Variants in ICA1L observed in about 807,000 individuals in gnomAD.
ICA1L encodes the protein islet cell autoantigen 1 like, also known as islet cell autoantigen 1-like protein.
A neutral mutation model predicts 61.3 loss-of-function variants in ICA1L; 50 were observed. The ratio of observed to expected loss-of-function variants is 0.82; its 90% CI spans 0.65 to 1.03. The LOEUF (loss-of-function observed/expected upper bound fraction) is 1.03, where lower values mean the gene tolerates loss of function less well. Among genes scored for constraint, ICA1L ranks in the 50% least tolerant of loss-of-function variants. The pLI is 0.00. For synonymous variants in ICA1L, 161 were observed against 191.3 expected (o/e 0.84, Z 1.31); for missense variants, 508 against 556.7 (o/e 0.91, Z 0.88).
intron 1 of ICA1L, chr2:202,841,254 T>C (rs1574371203): frequency 6.8e-6 from 5 of 730,306 alleles, no homozygotes; most frequent in African/African-American, 1.7e-5. Flanking sequence ...ATATTTGTTC[T>C]TGAAGTCTTC....
chr2:202,822,836 G>A (rs1693735828), intron 3 of ICA1L, among the ~76,000 whole-genome samples: 1 of 152,140 alleles, frequency 6.6e-6, no homozygotes, highest in Non-Finnish European at 1.5e-5. Flanking sequence ...CCCAAGGAGA[G>A]CACAATGGTG....
intron 9 of ICA1L, among the ~76,000 whole-genome samples, chr2:202,808,734 A>G (rs1367296100): frequency 2.0e-5 from 3 of 152,194 alleles, no homozygotes; most frequent in Non-Finnish European, 2.9e-5. Context: ...TGCCTGGGTA[A>G]TACAGGGAAT....
intron 1 of ICA1L, among the ~76,000 whole-genome samples, chr2:202,856,075 GAA>G (rs35022962): frequency 1.6e-5 from 2 of 127,484 alleles, no homozygotes; most frequent in African/African-American, 3.0e-5. Context: ...TCCGTCTCAA[GAA>G]AAAAAAAAAA....
chr2:202,825,396 G>T, intron 3 of ICA1L: 1 of 367,398 alleles, frequency 2.7e-6, no homozygotes, highest in Non-Finnish European at 4.2e-6. Context: ...CTTGAGCCCA[G>T]GTGGTGGAGA....
Position 202,779,272 on chromosome 2 carries a change from G to A in ICA1L, c.*261C>T, listed in dbSNP as rs773352950. On this transcript the variant is annotated 3_prime_UTR_variant, in exon 13 of 13. Coordinates refer to ENST00000358299, the MANE Select transcript of ICA1L (RefSeq NM_001288622.3). ...ACATAAATTTCAGTATCTAAATATC[G>A]CAAACTCTGTAGTTTCTAATATTTT... 2.6e-5 allele frequency: 9 copies of A among 343,904 alleles called. No homozygotes were observed. Among genetic ancestry groups the A allele is most frequent in the Non-Finnish European group, 4.2e-5 (8 of 192,318 alleles). The allele number at this position is 343,904 out of a possible 1,614,324, so 21.3% of individuals were successfully genotyped here. A position where few individuals can be genotyped will look rare whatever the true frequency, so the allele number is the denominator to read the frequency against.
intron 1 of ICA1L, among the ~76,000 whole-genome samples, chr2:202,868,845 G>A (rs1396330311): frequency 6.6e-6 from 1 of 151,986 alleles, no homozygotes; most frequent in African/African-American, 2.4e-5. Flanking sequence ...GCATGTGCTT[G>A]TAGTCCCAGC....
rs142283999 is a variant in ICA1L, at chr2:202,838,815, C to G, written c.-7-9799G>C. 4.6e-5 allele frequency among the ~76,000 whole-genome samples: 7 copies of G among 152,304 alleles called. No homozygotes were observed. The East Asian group carries it at 1.3e-3, about 29-fold the overall frequency. On this transcript the variant is annotated intron_variant, in intron 1 of 12. Coordinates refer to ENST00000358299, the MANE Select transcript of ICA1L (RefSeq NM_001288622.3). Reference sequence around the variant, plus strand: ...GGTTGTACAGGAAGTACGGTGCTAGCACTGCTTCTGATGAGGCCTCAGGGA... The same window carrying G: ...GGTTGTACAGGAAGTACGGTGCTAGGACTGCTTCTGATGAGGCCTCAGGGA...
intron 1 of ICA1L, among the ~76,000 whole-genome samples, chr2:202,853,525 A>C (rs1367097268): frequency 6.6e-6 from 1 of 152,112 alleles, no homozygotes. Context: ...AATTAAACTA[A>C]AGGGCTTCTG....
At chr2:202,850,286 GTT>G (rs950393643) in intron 1 of ICA1L, among the ~76,000 whole-genome samples, 3 of 152,154 alleles carry the variant, frequency 2.0e-5, no homozygotes, top group African/African-American at 7.2e-5. Flanking sequence ...CGGAGAATGA[GTT>G]TGATGAATTG....
Position 202,777,043 on chromosome 2 carries a change from G to GTTTTTTTTTTT in ICA1L, c.*2489_*2490insAAAAAAAAAAA, listed in dbSNP as rs1692245593. On this transcript the variant is annotated 3_prime_UTR_variant, in exon 13 of 13. Coordinates refer to ENST00000358299, the MANE Select transcript of ICA1L (RefSeq NM_001288622.3). ...TACAAACTCTCAAGACATAAAGTTA[G>GTTTTTTTTTTT]CTTTTTTTTTTTTTTTTTTTTTTTT... is the stretch of plus-strand genomic sequence containing the variant. 9.7e-6 allele frequency: 1 copy of GTTTTTTTTTTT among 103,572 alleles called. No homozygotes were observed. Among genetic ancestry groups the GTTTTTTTTTTT allele is most frequent in the African/African-American group, 4.2e-5 (1 of 23,732 alleles). 6.4% of individuals were successfully genotyped at this position (103,572 alleles called of 1,614,324 possible). A position where few individuals can be genotyped will look rare whatever the true frequency, so the allele number is the denominator to read the frequency against.
Position 202,814,800 on chromosome 2 carries a change from T to A in ICA1L, c.784-16A>T. The A allele has an allele frequency of 6.5e-7, 1 of 1,542,192 alleles. No homozygotes were observed. The highest frequency in any genetic ancestry group is 9.0e-7 in the Non-Finnish European group (1 of 1,115,796). The stretch of plus-strand genomic sequence containing the variant: ...CTTGTAGTTGCTAAAGATAAGAAAG[T>A]CAATGTTAAGTATATAGAATGAATC... On this transcript the variant is annotated splice_polypyrimidine_tract_variant and intron_variant, in intron 7 of 12. Coordinates refer to ENST00000358299, the MANE Select transcript of ICA1L (RefSeq NM_001288622.3).
chr2:202,803,400 CAA>C (rs71030990), intron 9 of ICA1L, among the ~76,000 whole-genome samples: 18,165 of 57,820 alleles, frequency 0.31, 507 homozygotes, highest in East Asian at 0.45. Context: ...GACTCGATCT[CAA>C]AAAAAAAAAA....
intron 9 of ICA1L, among the ~76,000 whole-genome samples, chr2:202,808,452 T>C (rs1185785752): frequency 2.0e-5 from 3 of 151,834 alleles, no homozygotes; most frequent in African/African-American, 7.3e-5. Context: ...GAGAACCAAG[T>C]AGATTCCTAA....
intron 5 of ICA1L, among the ~76,000 whole-genome samples, chr2:202,818,436 G>A (rs1047165469): frequency 6.6e-6 from 1 of 152,190 alleles, no homozygotes; most frequent in African/African-American, 2.4e-5. Context: ...TAGGAAGCAA[G>A]TACAACGTGG....
At chr2:202,811,659 CAAAAAAAA>C in intron 9 of ICA1L, 79 bp downstream of exon 9, 4 of 480,672 alleles carry the variant, frequency 8.3e-6, no homozygotes, top group South Asian at 4.3e-5. Flanking sequence ...AAGACTGTCT[CAAAAAAAA>C]AAAAAAAAAA....
chr2:202,821,754 G>A (rs990331146), intron 3 of ICA1L: 5 of 197,756 alleles, frequency 2.5e-5, no homozygotes, highest in Non-Finnish European at 5.1e-5. Flanking sequence ...GATTTTTAGT[G>A]ACAAAAATCC....
chr2:202,865,403 T>A (rs1361161407), intron 1 of ICA1L, among the ~76,000 whole-genome samples: 1 of 145,104 alleles, frequency 6.9e-6, no homozygotes, highest in Non-Finnish European at 1.5e-5. Flanking sequence ...CAGGAGGAGG[T>A]GGTTGCAGTG....
intron 9 of ICA1L, among the ~76,000 whole-genome samples, chr2:202,810,215 A>G (rs1693335887): frequency 6.6e-6 from 1 of 152,220 alleles, no homozygotes; most frequent in African/African-American, 2.4e-5. Context: ...AAGGAAAAAA[A>G]CTTTTACCCA....
rs1459097182 is a variant in ICA1L at position 202,777,634 on chromosome 2, C to A, written c.*1899G>T. 6.6e-6 allele frequency: 1 copy of A among 152,026 alleles called. No homozygotes were observed. Among genetic ancestry groups the A allele is most frequent in the African/African-American group, 2.4e-5 (1 of 41,392 alleles). 9.4% of individuals were successfully genotyped at this position (152,026 alleles called of 1,614,324 possible). A position where few individuals can be genotyped will look rare whatever the true frequency, so the allele number is the denominator to read the frequency against. On this transcript the variant is annotated 3_prime_UTR_variant, in exon 13 of 13. Coordinates refer to ENST00000358299, the MANE Select transcript of ICA1L (RefSeq NM_001288622.3). ...TTTTTTCTGAGTCAATGTTTCTGAC[C>A]TTCAGATAAGGTCTTTCCAGCCTAT...
Sources: allele counts gnomAD v4.1 joint callset (sites outside exome capture counted in the v4.1 genomes callset), GRCh38; gene constraint gnomAD v4.1.1; transcripts MANE v1.5; gene names NCBI Gene and HGNC (gene_info 2026-07-23, HGNC 2026-07-21).